The following TMEM232 variants were observed in gnomAD, a reference collection of about 807,000 sequenced individuals.
TMEM232 encodes transmembrane protein 232.
A neutral mutation model predicts 78.8 loss-of-function variants in TMEM232; 80 were observed. That is an observed-to-expected ratio of 1.01 (90% CI 0.85 to 1.22). TMEM232 has a LOEUF of 1.22. TMEM232 is among the 50% of genes most tolerant of loss of function. The probability of loss-of-function intolerance (pLI) is 0.00; values close to 1 mark genes in which losing one functional copy is unlikely to be tolerated. For synonymous variants in TMEM232, 297 were observed against 254.3 expected (o/e 1.17, Z -1.60); for missense variants, 881 against 742.2 (o/e 1.19, Z -2.17).
At chr5:110,632,004 T>C (rs73226245) in intron 5 of TMEM232, among the ~76,000 whole-genome samples, 6,653 of 151,752 alleles carry the variant, frequency 0.044, 479 homozygotes, top group African/African-American at 0.15. Flanking sequence ...AGAACAGGCA[T>C]ACTCATCCCA....
intron 12 of TMEM232, among the ~76,000 whole-genome samples, chr5:110,469,791 G>A (rs753911198): frequency 2.6e-5 from 4 of 152,150 alleles, no homozygotes; most frequent in African/African-American, 7.2e-5. Context: ...TGTACACCAC[G>A]ATTGCACTGA....
intron 12 of TMEM232, among the ~76,000 whole-genome samples, chr5:110,494,175 T>C (rs1026648535): frequency 6.6e-6 from 1 of 152,100 alleles, no homozygotes; most frequent in South Asian, 2.1e-4. Flanking sequence ...TTGATGGGCA[T>C]TGTGCCAATA....
exon 4 of TMEM232, chr5:110,390,451 T>C (rs1755135500): frequency 1.3e-5 from 2 of 152,232 alleles, no homozygotes; most frequent in South Asian, 2.1e-4. Flanking sequence ...GAAAATCAGA[T>C]CTTTTACATG....
intron 3 of TMEM232, among the ~76,000 whole-genome samples, chr5:110,641,223 T>C (rs1209110178): frequency 6.6e-6 from 1 of 152,182 alleles, no homozygotes; most frequent in East Asian, 1.9e-4. Context: ...ACAAGTAATA[T>C]CATTAGCTAT....
chr5:110,692,201 T>A (rs1408919381), intron 1 of TMEM232, among the ~76,000 whole-genome samples: 1 of 152,178 alleles, frequency 6.6e-6, no homozygotes. Flanking sequence ...ATTACAGTTG[T>A]CAGCCACGAC....
intron 12 of TMEM232, among the ~76,000 whole-genome samples, chr5:110,526,222 C>T (rs1770576545): frequency 6.7e-6 from 1 of 150,156 alleles, no homozygotes; most frequent in South Asian, 2.1e-4. Flanking sequence ...TAAATACATT[C>T]TATTACAAAG....
intron 12 of TMEM232, among the ~76,000 whole-genome samples, chr5:110,485,954 G>C (rs1281746744): frequency 6.6e-6 from 1 of 151,846 alleles, no homozygotes; most frequent in Non-Finnish European, 1.5e-5. Flanking sequence ...AGTGTTTCCT[G>C]ATCACTGCAT....
chr5:110,713,966 T>C (rs905484993), intron 1 of TMEM232, among the ~76,000 whole-genome samples: 1 of 152,182 alleles, frequency 6.6e-6, no homozygotes, highest in African/African-American at 2.4e-5. Context: ...CAGGTGGTCT[T>C]TAATGGTCAG....
intron 1 of TMEM232, among the ~76,000 whole-genome samples, chr5:110,719,280 T>TAC (rs546584617): frequency 1.1e-4 from 17 of 151,886 alleles, no homozygotes; most frequent in South Asian, 4.1e-4. Flanking sequence ...TATATATATA[T>TAC]ACACACACAC....
chr5:110,715,231 T>G (rs1320214075), intron 1 of TMEM232, among the ~76,000 whole-genome samples: 2 of 152,054 alleles, frequency 1.3e-5, no homozygotes, highest in Non-Finnish European at 2.9e-5. Flanking sequence ...TTTAGGTCAT[T>G]CATGAAGGAG....
At chr5:110,420,851 C>A in intron 13 of TMEM232, 95 bp from the exon 14 acceptor site, 3 of 1,428,438 alleles carry the variant, frequency 2.1e-6, no homozygotes, top group Non-Finnish European at 2.7e-6. Flanking sequence ...ATCCAATTAT[C>A]CTTTCAGGTT....
intron 2 of TMEM232, among the ~76,000 whole-genome samples, chr5:110,649,901 T>C (rs1017408209): frequency 6.6e-6 from 1 of 152,138 alleles, no homozygotes; most frequent in African/African-American, 2.4e-5. Context: ...TCTGACTTTG[T>C]CCTTTAACAT....
chr5:110,479,390 A>T (rs561785138), intron 12 of TMEM232, among the ~76,000 whole-genome samples: 7 of 151,924 alleles, frequency 4.6e-5, no homozygotes, highest in Non-Finnish European at 8.9e-5. Context: ...ATTAAACAAC[A>T]ACCAGATAAG....
At chr5:110,404,447 C>A (rs1360584610) in intron 2 of TMEM232, among the ~76,000 whole-genome samples, 1 of 152,014 alleles carries the variant, frequency 6.6e-6, no homozygotes, top group African/African-American at 2.4e-5. Flanking sequence ...ATCTTGCTGT[C>A]TCCTTGGTTT....
At chr5:110,576,603 C>G (rs1300470854) in intron 10 of TMEM232, among the ~76,000 whole-genome samples, 1 of 152,000 alleles carries the variant, frequency 6.6e-6, no homozygotes, top group Non-Finnish European at 1.5e-5. Flanking sequence ...AAGAACAAAG[C>G]TGGAGGCATT....
chr5:110,733,336 T>C (rs537459951), intron 2 of TMEM232, among the ~76,000 whole-genome samples: 14 of 152,178 alleles, frequency 9.2e-5, no homozygotes, highest in African/African-American at 3.1e-4. Flanking sequence ...AGAAATCCCA[T>C]TACTAGGTAT....
intron 8 of TMEM232, among the ~76,000 whole-genome samples, chr5:110,615,597 A>G (rs931458998): frequency 6.6e-6 from 1 of 151,978 alleles, no homozygotes; most frequent in African/African-American, 2.4e-5. Flanking sequence ...CACTCTCACC[A>G]CTTTTATGTA....
chr5:110,415,771 T>C (rs1222963543), downstream of TMEM232, among the ~76,000 whole-genome samples: 1 of 152,120 alleles, frequency 6.6e-6, no homozygotes, highest in African/African-American at 2.4e-5. Context: ...TTCAAAGCAT[T>C]ACTGGATTGC....
At chr5:110,611,300 A>G (rs1782240248) in intron 8 of TMEM232, among the ~76,000 whole-genome samples, 1 of 152,118 alleles carries the variant, frequency 6.6e-6, no homozygotes, top group African/African-American at 2.4e-5. Context: ...TAAAGAATAA[A>G]TTTACCTTGC....
Sources: gnomAD v4.1 joint callset for allele counts (sites outside exome capture counted in the v4.1 genomes callset) on GRCh38, gnomAD v4.1.1 for gene constraint, MANE v1.5 for transcripts, NCBI Gene and HGNC (gene_info 2026-07-23, HGNC 2026-07-21) for gene names.